The following RAB38 variants were observed in gnomAD, a reference collection of about 807,000 sequenced individuals.
RAB38 encodes the protein ras-related protein Rab-38.
In RAB38, 15 loss-of-function variants were observed where a neutral mutation model predicts 18.4. The ratio of observed to expected loss-of-function variants is 0.82; its 90% CI spans 0.55 to 1.26. RAB38 has a LOEUF of 1.26. Among genes scored for constraint, RAB38 ranks in the 50% most tolerant of loss-of-function variants. The pLI, the probability that RAB38 is intolerant of heterozygous loss-of-function variation, is 0.00. For missense variants in RAB38, 294 were observed against 267.4 expected (o/e 1.10, Z -0.69); for synonymous variants, 101 against 104.4 (o/e 0.97, Z 0.20).
the RAB38 span, among the ~76,000 whole-genome samples, chr11:87,813,093 A>G: frequency 6.6e-6 from 1 of 152,186 alleles, no homozygotes; most frequent in African/African-American, 2.4e-5. Context: ...AGCAATGAGG[A>G]GACAGAGGGA....
the RAB38 span, among the ~76,000 whole-genome samples, chr11:87,818,502 A>G: frequency 6.6e-6 from 1 of 152,124 alleles, no homozygotes; most frequent in Non-Finnish European, 1.5e-5. Flanking sequence ...ATGGATAATC[A>G]AAGACAGAGC....
chr11:88,146,653 G>C (rs1362675807), intron 2 of RAB38, among the ~76,000 whole-genome samples: 1 of 152,192 alleles, frequency 6.6e-6, no homozygotes, highest in African/African-American at 2.4e-5. Context: ...AAAGAAGTTT[G>C]ACACTCCAGT....
chr11:88,100,397 G>A, the RAB38 span, among the ~76,000 whole-genome samples: 1 of 151,824 alleles, frequency 6.6e-6, no homozygotes, highest in Non-Finnish European at 1.5e-5. Context: ...GAGATTGTGT[G>A]GAACTGTAAA....
the RAB38 span, among the ~76,000 whole-genome samples, chr11:88,092,355 A>G: frequency 0.59 from 16,370 of 27,830 alleles, 2,938 homozygotes; most frequent in Admixed American, 0.63. Flanking sequence ...AGGGAGGGAG[A>G]GAGAGAGAGA....
At chr11:87,963,610 T>C in the RAB38 span, among the ~76,000 whole-genome samples, 2 of 151,780 alleles carry the variant, frequency 1.3e-5, no homozygotes, top group Non-Finnish European at 2.9e-5. Flanking sequence ...AAATTCCTAA[T>C]ACGTAGAGAT....
the RAB38 span, among the ~76,000 whole-genome samples, chr11:87,957,029 ATAAAACATTGT>A: frequency 2.6e-5 from 4 of 151,946 alleles, no homozygotes; most frequent in Admixed American, 2.0e-4. Flanking sequence ...CTCATGTCAC[ATAAAACATTGT>A]TAAATCAATT....
intron 2 of RAB38, among the ~76,000 whole-genome samples, chr11:88,118,393 A>T (rs1942585313): frequency 6.6e-6 from 1 of 152,226 alleles, no homozygotes; most frequent in Non-Finnish European, 1.5e-5. Flanking sequence ...AGCATGGATA[A>T]TCAGACCCTG....
intron 2 of RAB38, among the ~76,000 whole-genome samples, chr11:88,125,209 C>T (rs945547465): frequency 4.6e-5 from 7 of 152,154 alleles, no homozygotes; most frequent in Admixed American, 6.5e-5. Flanking sequence ...GCTCACATTG[C>T]GTACTCAGAA....
the RAB38 span, among the ~76,000 whole-genome samples, chr11:88,101,686 C>T: frequency 0.021 from 3,150 of 151,566 alleles, 109 homozygotes; most frequent in African/African-American, 0.069. Flanking sequence ...TATAAAGACA[C>T]GGTTTCTGTT....
At chr11:87,944,756 T>C in the RAB38 span, among the ~76,000 whole-genome samples, 1 of 152,162 alleles carries the variant, frequency 6.6e-6, no homozygotes, top group African/African-American at 2.4e-5. Context: ...ACTTGTGACA[T>C]ATGGGACTTC....
chr11:87,940,455 T>C, the RAB38 span, among the ~76,000 whole-genome samples: 5 of 152,064 alleles, frequency 3.3e-5, no homozygotes, highest in Non-Finnish European at 5.9e-5. Context: ...GACAACTCCA[T>C]AGAACAGGAA....
chr11:87,804,042 TG>T, the RAB38 span, among the ~76,000 whole-genome samples: 1 of 152,212 alleles, frequency 6.6e-6, no homozygotes, highest in East Asian at 1.9e-4. Context: ...TGATGCAACT[TG>T]GGTGACCAAA....
intron 2 of RAB38, among the ~76,000 whole-genome samples, chr11:88,120,714 C>T (rs1942618116): frequency 6.6e-6 from 1 of 152,122 alleles, no homozygotes; most frequent in Non-Finnish European, 1.5e-5. Flanking sequence ...CAGCCTCTGT[C>T]CTTTATTCTT....
the RAB38 span, among the ~76,000 whole-genome samples, chr11:88,104,667 T>C: frequency 6.6e-6 from 1 of 152,168 alleles, no homozygotes; most frequent in Non-Finnish European, 1.5e-5. Flanking sequence ...ATAAACAGTA[T>C]TTTAAATACC....
intron 2 of RAB38, among the ~76,000 whole-genome samples, chr11:88,142,164 G>A (rs1159455409): frequency 6.6e-6 from 1 of 152,194 alleles, no homozygotes; most frequent in East Asian, 1.9e-4. Flanking sequence ...AGACTGCTGA[G>A]AAGCATGGAA....
chr11:88,015,831 T>A, the RAB38 span, among the ~76,000 whole-genome samples: 1 of 152,090 alleles, frequency 6.6e-6, no homozygotes, highest in Non-Finnish European at 1.5e-5. Flanking sequence ...ATGAGGACAG[T>A]CTGAAGGCTT....
the RAB38 span, among the ~76,000 whole-genome samples, chr11:87,898,601 G>A: frequency 6.6e-6 from 1 of 151,684 alleles, no homozygotes; most frequent in African/African-American, 2.4e-5. Context: ...ATAAATATGT[G>A]TTGAAGGACT....
At chr11:88,034,098 CTTATCT>C in the RAB38 span, among the ~76,000 whole-genome samples, 1 of 152,156 alleles carries the variant, frequency 6.6e-6, no homozygotes, top group Non-Finnish European at 1.5e-5. Context: ...ATCTGTTTTC[CTTATCT>C]TTAATTTTGT....
chr11:88,083,703 G>A, the RAB38 span, among the ~76,000 whole-genome samples: 2 of 151,898 alleles, frequency 1.3e-5, no homozygotes, highest in South Asian at 2.1e-4. Flanking sequence ...TTCTAAAAGG[G>A]CCAGAGGGAA....
Sources: allele counts gnomAD v4.1 joint callset (sites outside exome capture counted in the v4.1 genomes callset), GRCh38; gene constraint gnomAD v4.1.1; transcripts MANE v1.5; gene names NCBI Gene and HGNC (gene_info 2026-07-23, HGNC 2026-07-21).